Variants in CFAP70 observed in about 807,000 individuals in gnomAD.
The protein encoded by CFAP70 is cilia- and flagella-associated protein 70.
In CFAP70, 81 loss-of-function variants were observed where a neutral mutation model predicts 137.6. The observed-to-expected ratio is 0.59, with a 90% CI of 0.49 to 0.71. CFAP70 has a LOEUF of 0.71. Ranked by LOEUF, CFAP70 falls within the 30% of genes least tolerant of loss-of-function variation. The pLI, the probability that CFAP70 is intolerant of heterozygous loss-of-function variation, is 0.00. For synonymous variants in CFAP70, 382 were observed against 423.6 expected (o/e 0.90, Z 1.20); for missense variants, 976 against 1,226.7 (o/e 0.80, Z 3.05).
chr10:73,293,462 C>A, intron 15 of CFAP70, 74 bp from the exon 17 acceptor site: 1 of 1,319,742 alleles, frequency 7.6e-7, no homozygotes. Flanking sequence ...AGCATAAATC[C>A]GATGTGAGAT....
chr10:73,331,265 C>T (rs769131697), exon 8 of CFAP70: 6 of 1,612,680 alleles, frequency 3.7e-6, no homozygotes, highest in African/African-American at 1.3e-5. Context: ...ATCGGCAATT[C>T]GCTTCTGAAA....
intron 19 of CFAP70, among the ~76,000 whole-genome samples, chr10:73,284,251 T>C (rs533549094): frequency 6.6e-6 from 1 of 152,290 alleles, no homozygotes; most frequent in South Asian, 2.1e-4. Flanking sequence ...TCTTCAAATA[T>C]CTTTCTCTAG....
At chr10:73,325,616 G>A (rs953696988) in intron 8 of CFAP70, among the ~76,000 whole-genome samples, 9 of 152,048 alleles carry the variant, frequency 5.9e-5, no homozygotes, top group East Asian at 3.9e-4. Flanking sequence ...GACACACATA[G>A]GCTCAAAATA....
At position 73,293,245 on chromosome 10, in the gene CFAP70, G is replaced by A. The variant is rs778530388; in HGVS notation, c.1770+18C>T. On this transcript the variant is annotated intron_variant, in intron 16 of 26. Coordinates refer to ENST00000310715, the Ensembl canonical transcript of CFAP70. ...TTCACAAATAATAGTAACAATCACT[G>A]GGAAGATGTTTAATTACCTCTTTAT... 2.5e-6 allele frequency: 4 copies of A among 1,591,796 alleles called. No individual in the cohort carries two copies. The African/African-American group carries it at 4.0e-5, about 16-fold the overall frequency.
intron 5 of CFAP70, among the ~76,000 whole-genome samples, chr10:73,343,254 C>G (rs953431886): frequency 2.0e-5 from 3 of 151,148 alleles, no homozygotes; most frequent in African/African-American, 7.3e-5. Context: ...TCTAAAAGTG[C>G]CAGAACTGGC....
intron 4 of CFAP70, chr10:73,345,178 C>T: frequency 6.2e-7 from 1 of 1,614,138 alleles, no homozygotes; most frequent in South Asian, 1.1e-5. Flanking sequence ...AGTAGATTGC[C>T]CCCTGAGATC....
chr10:73,291,968 C>A, exon 17 of CFAP70: 1 of 1,614,176 alleles, frequency 6.2e-7, no homozygotes, highest in South Asian at 1.1e-5. Context: ...GCAGAAGGCA[C>A]CATAGTCCAA....
rs2047529771 is a variant in CFAP70, at chr10:73,284,748, A to C, written c.2240-6411T>G. ...CATATATGACCTGCCACATATATAT[A>C]TATATATATATATATATATATATAT... On this transcript the variant is annotated intron_variant, in intron 19 of 26. Transcript: ENST00000310715. Among the ~76,000 whole-genome samples, 25 of 5,378 alleles carry C rather than the reference A, an allele frequency of 4.6e-3. 2 individuals carry two copies. Among genetic ancestry groups the C allele is most frequent in the African/African-American group, 0.026 (22 of 854 alleles). 3.5% of individuals were successfully genotyped at this position (5,378 alleles called of 152,430 possible).
At chr10:73,357,013 A>G (rs1226213961) in intron 1 of CFAP70, among the ~76,000 whole-genome samples, 2 of 152,222 alleles carry the variant, frequency 1.3e-5, no homozygotes, top group Admixed American at 6.5e-5. Flanking sequence ...GAGACGTGTA[A>G]CTAGACCAGG....
At chr10:73,285,213 A>C (rs1168679387) in intron 19 of CFAP70, among the ~76,000 whole-genome samples, 1 of 152,170 alleles carries the variant, frequency 6.6e-6, no homozygotes, top group Non-Finnish European at 1.5e-5. Flanking sequence ...CCAACAGAAG[A>C]ATGTGTTGGA....
chr10:73,306,749 A>G (rs756212871), intron 12 of CFAP70, among the ~76,000 whole-genome samples: 1 of 152,176 alleles, frequency 6.6e-6, no homozygotes, highest in African/African-American at 2.4e-5. Context: ...TATCTAGTAA[A>G]TTATCCTTCA....
At chr10:73,323,574 A>G (rs569007916) in intron 8 of CFAP70, among the ~76,000 whole-genome samples, 1 of 152,300 alleles carries the variant, frequency 6.6e-6, no homozygotes, top group East Asian at 1.9e-4. Flanking sequence ...TTCCTAGTCA[A>G]AGAAAGGGGT....
chr10:73,274,344 C>G, intron 23 of CFAP70, 89 bp downstream of exon 24: 1 of 1,356,596 alleles, frequency 7.4e-7, no homozygotes, highest in East Asian at 2.5e-5. Context: ...TATTATATTA[C>G]TAGTTTTAGT....
At chr10:73,291,608 A>G (rs2048186114) in intron 18 of CFAP70, 32 bp downstream of exon 19, 1 of 1,579,260 alleles carries the variant, frequency 6.3e-7, no homozygotes, top group Admixed American at 1.7e-5. Context: ...TAATGGGGAG[A>G]AAACACATTC....
chr10:73,343,178 C>G (rs1372198449), intron 5 of CFAP70, among the ~76,000 whole-genome samples: 1 of 149,166 alleles, frequency 6.7e-6, no homozygotes, highest in Admixed American at 6.7e-5. Context: ...CCACTGCACT[C>G]CAGCCTGGGT....
chr10:73,280,739 AATATTT>A (rs2047195111), intron 19 of CFAP70, among the ~76,000 whole-genome samples: 1 of 152,120 alleles, frequency 6.6e-6, no homozygotes, highest in Non-Finnish European at 1.5e-5. Context: ...TTAACTTTTT[AATATTT>A]ATAAGATTTT....
upstream of CFAP70, among the ~76,000 whole-genome samples, chr10:73,362,773 A>C (rs75257711): frequency 0.047 from 7,150 of 151,962 alleles, 511 homozygotes; most frequent in African/African-American, 0.16. Flanking sequence ...TTTCTCTTGC[A>C]TAATTACTGT....
intron 6 of CFAP70, among the ~76,000 whole-genome samples, chr10:73,338,439 T>A (rs7908854): frequency 0.11 from 15,723 of 149,554 alleles, 1,145 homozygotes; most frequent in East Asian, 0.3. Flanking sequence ...TCTCTTTTTT[T>A]TTTTTTTTTT....
chr10:73,328,793 C>A (rs1457580592), intron 8 of CFAP70, among the ~76,000 whole-genome samples: 1 of 150,966 alleles, frequency 6.6e-6, no homozygotes, highest in Non-Finnish European at 1.5e-5. Context: ...CAATGAGATA[C>A]CATCTCACAC....
Sources: allele counts gnomAD v4.1 joint callset (sites outside exome capture counted in the v4.1 genomes callset), GRCh38; gene constraint gnomAD v4.1.1; transcripts MANE v1.5; gene names NCBI Gene and HGNC (gene_info 2026-07-23, HGNC 2026-07-21).